HHAT: variants seen among roughly 807,000 people sequenced by gnomAD.
HHAT encodes the protein hedgehog acyltransferase.
In HHAT, 47 loss-of-function variants were observed where a neutral mutation model predicts 70.8. That is an observed-to-expected ratio of 0.66 (90% confidence interval 0.53 to 0.85). HHAT has a LOEUF of 0.85. HHAT is among the 40% of genes least tolerant of loss of function. The pLI is 0.00. For missense variants in HHAT, 609 were observed against 604.8 expected, an observed-to-expected ratio of 1.01 and a Z score of -0.07; for synonymous variants, 228 against 247.6, an observed-to-expected ratio of 0.92 and a Z score of 0.74.
intron 11 of HHAT, among the ~76,000 whole-genome samples, chr1:210,642,998 A>G (rs1049402231): frequency 7.9e-5 from 12 of 152,198 alleles, no homozygotes; most frequent in African/African-American, 2.7e-4. Context: ...ATTTACATCT[A>G]CAATATGTTT....
chr1:210,343,762 G>A (rs1311303612), intron 1 of HHAT, among the ~76,000 whole-genome samples: 2 of 152,132 alleles, frequency 1.3e-5, no homozygotes, highest in Non-Finnish European at 2.9e-5. Context: ...AAATCCCTGG[G>A]GATGCCAACT....
chr1:210,644,873 G>T (rs1395911830), intron 11 of HHAT, among the ~76,000 whole-genome samples: 1 of 152,096 alleles, frequency 6.6e-6, no homozygotes, highest in African/African-American at 2.4e-5. Context: ...CCTGCAGTAG[G>T]TGATGTGGGT....
At chr1:210,620,028 T>C (rs757953761) in intron 10 of HHAT, among the ~76,000 whole-genome samples, 1 of 151,884 alleles carries the variant, frequency 6.6e-6, no homozygotes, top group African/African-American at 2.4e-5. Context: ...ATCTAAGCCA[T>C]GAGGATGGTG....
intron 7 of HHAT, among the ~76,000 whole-genome samples, chr1:210,427,368 T>C (rs2093096207): frequency 6.6e-6 from 1 of 152,222 alleles, no homozygotes; most frequent in African/African-American, 2.4e-5. Context: ...TTGTTCTTGG[T>C]TCTCTAGTTC....
intron 3 of HHAT, among the ~76,000 whole-genome samples, chr1:210,381,605 A>T (rs2090642087): frequency 6.6e-6 from 1 of 152,140 alleles, no homozygotes; most frequent in African/African-American, 2.4e-5. Flanking sequence ...AGGCTTACCC[A>T]TGGCCTTTCT....
At chr1:210,596,863 G>A (rs1342203454) in intron 10 of HHAT, among the ~76,000 whole-genome samples, 1 of 152,080 alleles carries the variant, frequency 6.6e-6, no homozygotes, top group African/African-American at 2.4e-5. Context: ...TTCATGGATG[G>A]TTGTCATGCT....
At position 210,329,025 on chromosome 1, in the gene HHAT, CG is replaced by C; in HGVS notation, c.-121del. The C allele has an allele frequency of 7.1e-7, 1 of 1,417,272 alleles. No homozygotes were observed. The highest frequency in any genetic ancestry group is 9.2e-7 in the Non-Finnish European group (1 of 1,086,354). 87.8% of individuals were successfully genotyped at this position (1,417,272 alleles called of 1,614,324 possible). A position where few individuals can be genotyped will look rare whatever the true frequency, so the allele number is the denominator to read the frequency against. On this transcript the variant is annotated 5_prime_UTR_variant, in exon 1 of 12. The change creates a premature stop within an existing upstream ORF in the 5' untranslated region. Transcript: ENST00000261458. ...AGCCGCCGCCGATGTCGCTGGGACT[CG>C]GAAGTGCCGAAAGAGGGGTGTTGGG...
chr1:210,350,699 G>A (rs967962708), intron 2 of HHAT, among the ~76,000 whole-genome samples: 3 of 152,274 alleles, frequency 2.0e-5, no homozygotes, highest in East Asian at 3.9e-4. Flanking sequence ...TGGCGTCTGC[G>A]AAGATGATTT....
At chr1:210,383,671 A>G (rs1182498315) in intron 3 of HHAT, among the ~76,000 whole-genome samples, 1 of 152,176 alleles carries the variant, frequency 6.6e-6, no homozygotes, top group Non-Finnish European at 1.5e-5. Flanking sequence ...AGTTGGAACA[A>G]ATATATTACT....
chr1:210,357,122 C>T (rs529862179), intron 2 of HHAT, among the ~76,000 whole-genome samples: 7 of 152,202 alleles, frequency 4.6e-5, no homozygotes, highest in Non-Finnish European at 1.0e-4. Flanking sequence ...TCTTAGGAAA[C>T]AGTTGAATCA....
At chr1:210,506,258 C>T (rs1320062231) in intron 8 of HHAT, among the ~76,000 whole-genome samples, 1 of 152,142 alleles carries the variant, frequency 6.6e-6, no homozygotes, top group Non-Finnish European at 1.5e-5. Context: ...GCACAGTCTA[C>T]TAATTTGCTA....
rs147089204 is a variant in HHAT, at chr1:210,330,453, AG to A, written c.-44+1352del. Among the ~76,000 whole-genome samples the A allele has an allele frequency of 3.3e-3, 510 of 152,330 alleles. 2 individuals are homozygous for A. Among genetic ancestry groups the A allele is most frequent in the African/African-American group, 0.012 (488 of 41,568 alleles). On this transcript the variant is annotated intron_variant, in intron 1 of 11. Transcript: ENST00000261458. ...CCAAAGCCACAAACTAGTACATGTC[AG>A]GGCCGGGTTTTGGACTCCTCTTTTG...
At chr1:210,544,367 G>GTTTTTTTTTTTTTTTTTTTTTTTTTTCTT (rs569514246) in intron 9 of HHAT, among the ~76,000 whole-genome samples, 4 of 90,066 alleles carry the variant, frequency 4.4e-5, no homozygotes, top group East Asian at 3.5e-4. Flanking sequence ...TCTTTCTTTC[G>GTTTTTTTTTTTTTTTTTTTTTTTTTTCTT]TTTTTTTTTT....
At chr1:210,666,525 C>T (rs1453371918) in intron 11 of HHAT, among the ~76,000 whole-genome samples, 6 of 152,052 alleles carry the variant, frequency 3.9e-5, no homozygotes, top group Non-Finnish European at 7.4e-5. Context: ...CTCTGTTGCC[C>T]AGGCTAGAGG....
intron 10 of HHAT, among the ~76,000 whole-genome samples, chr1:210,613,796 TCACTTGAGCCC>T (rs1191065065): frequency 6.6e-6 from 1 of 152,096 alleles, no homozygotes; most frequent in Admixed American, 6.5e-5. Flanking sequence ...GGTGGGAGGA[TCACTTGAGCCC>T]AGGAGTTTGA....
At chr1:210,658,569 G>A (rs1176673344) in intron 11 of HHAT, among the ~76,000 whole-genome samples, 1 of 152,148 alleles carries the variant, frequency 6.6e-6, no homozygotes, top group African/African-American at 2.4e-5. Flanking sequence ...ACATTGGGGT[G>A]TTCTGTACCA....
chr1:210,542,820 A>G (rs1196278580), intron 9 of HHAT, among the ~76,000 whole-genome samples: 1 of 152,042 alleles, frequency 6.6e-6, no homozygotes, highest in East Asian at 1.9e-4. Flanking sequence ...AAATAAAATA[A>G]TATTGTCTTA....
intron 1 of HHAT, among the ~76,000 whole-genome samples, chr1:210,347,716 GTCTAGATC>G (rs2086645433): frequency 6.6e-6 from 1 of 152,152 alleles, no homozygotes; most frequent in Non-Finnish European, 1.5e-5. Flanking sequence ...TCCTGTAACA[GTCTAGATC>G]TAAGTAGTCT....
intron 11 of HHAT, among the ~76,000 whole-genome samples, chr1:210,663,173 C>T (rs193059286): frequency 2.0e-5 from 3 of 152,302 alleles, no homozygotes; most frequent in Admixed American, 2.0e-4. Context: ...GCGTGCTCAT[C>T]TATGCTTTCT....
Sources: allele counts gnomAD v4.1 joint callset (sites outside exome capture counted in the v4.1 genomes callset), GRCh38; gene constraint gnomAD v4.1.1; transcripts MANE v1.5; gene names NCBI Gene and HGNC (gene_info 2026-07-23, HGNC 2026-07-21).